Variants in RIT2 observed in about 807,000 individuals in gnomAD.
RIT2 encodes the protein GTP-binding protein Rit2.
In RIT2, 24 loss-of-function variants were observed where a neutral mutation model predicts 23.7. That is an observed-to-expected ratio of 1.01 (90% CI 0.73 to 1.43). The LOEUF (loss-of-function observed/expected upper bound fraction) is 1.43, where lower values mean the gene tolerates loss of function less well. Ranked by LOEUF, RIT2 falls within the 40% of genes most tolerant of loss-of-function variation. The pLI is 0.00. For synonymous variants in RIT2, 107 were observed against 91.1 expected (o/e 1.17, Z -0.99); for missense variants, 236 against 266.9 (o/e 0.88, Z 0.81).
chr18:42,892,720 TTTTC>T (rs373267919), intron 4 of RIT2, among the ~76,000 whole-genome samples: 2 of 152,360 alleles, frequency 1.3e-5, no homozygotes, highest in African/African-American at 4.8e-5. Flanking sequence ...GAGTATCTAT[TTTTC>T]TTTGAGATAA....
chr18:42,757,040 T>C (rs1598641736), intron 4 of RIT2, among the ~76,000 whole-genome samples: 1 of 152,138 alleles, frequency 6.6e-6, no homozygotes, highest in South Asian at 2.1e-4. Context: ...ACCTCAATGC[T>C]TTGCAAGTGA....
intron 4 of RIT2, among the ~76,000 whole-genome samples, chr18:42,802,500 T>C (rs1905567846): frequency 3.3e-5 from 5 of 152,204 alleles, no homozygotes; most frequent in Non-Finnish European, 2.9e-5. Flanking sequence ...TGAACTGATA[T>C]GGAAGACCAA....
chr18:43,025,367 T>C (rs1274074365), intron 2 of RIT2, among the ~76,000 whole-genome samples: 1 of 151,888 alleles, frequency 6.6e-6, no homozygotes, highest in African/African-American at 2.4e-5. Context: ...CAGAAAATGA[T>C]ATAGAGATTT....
chr18:42,818,615 G>A (rs528653268), intron 4 of RIT2, among the ~76,000 whole-genome samples: 49 of 152,166 alleles, frequency 3.2e-4, no homozygotes, highest in Middle Eastern at 3.4e-3. Context: ...TCACTTAGCT[G>A]AGTATATCAA....
At chr18:42,968,800 T>C (rs1173436540) in intron 3 of RIT2, among the ~76,000 whole-genome samples, 1 of 152,170 alleles carries the variant, frequency 6.6e-6, no homozygotes, top group Non-Finnish European at 1.5e-5. Context: ...ATTTAAGAAG[T>C]ATGTGAACAG....
intron 4 of RIT2, among the ~76,000 whole-genome samples, chr18:42,873,932 T>TG (rs1375065939): frequency 1.3e-5 from 2 of 152,128 alleles, no homozygotes; most frequent in Non-Finnish European, 2.9e-5. Context: ...ACTGTGGCCC[T>TG]GGGGGAACAC....
chr18:43,036,391 T>C (rs563128519), intron 1 of RIT2, among the ~76,000 whole-genome samples: 1 of 151,864 alleles, frequency 6.6e-6, no homozygotes, highest in Non-Finnish European at 1.5e-5. Context: ...AATACGGAAA[T>C]CAGCCGGGCG....
Position 42,743,604 on chromosome 18 carries a change from A to C in RIT2, c.543T>G (p.Ile181Met). The C allele has an allele frequency of 6.2e-7, 1 of 1,614,104 alleles. No individual in the cohort carries two copies. The highest frequency in any genetic ancestry group is 2.2e-5 in the East Asian group (1 of 44,854). Reference protein sequence around the residue: ...DDAFHGLVREIRKKESMPSLM... With the variant: ...DDAFHGLVREMRKKESMPSLM... ...AGGATGGCATGGACTCCTTCTTGCG[A>C]ATTTCCCTCACTAAGCCATGAAAAG... Residue 181 changes from isoleucine (I) to methionine (M), a missense_variant, in exon 5 of 5, where the codon ATT becomes ATG. Coordinates refer to ENST00000326695, the MANE Select transcript of RIT2 (RefSeq NM_002930.4).
chr18:42,794,778 T>C (rs1191714209), intron 4 of RIT2, among the ~76,000 whole-genome samples: 2 of 152,228 alleles, frequency 1.3e-5, no homozygotes, highest in Non-Finnish European at 2.9e-5. Flanking sequence ...ATTTATAGCA[T>C]GTTATTTATC....
intron 3 of RIT2, among the ~76,000 whole-genome samples, chr18:42,929,034 G>GATATATATATATATATATATATAT (rs770619793): frequency 0.01 from 983 of 96,566 alleles, 23 homozygotes; most frequent in East Asian, 0.02. Context: ...AAAATATGGA[G>GATATATATATATATATATATATAT]ATATATATAT....
At chr18:43,055,256 T>TA (rs1568068769) in intron 1 of RIT2, among the ~76,000 whole-genome samples, 1 of 152,134 alleles carries the variant, frequency 6.6e-6, no homozygotes, top group African/African-American at 2.4e-5. Flanking sequence ...AGAAAAGCTG[T>TA]GTAAGCAGCA....
chr18:43,033,621 C>T (rs543374294), intron 2 of RIT2, among the ~76,000 whole-genome samples, 190 bp downstream of exon 2: 1 of 152,196 alleles, frequency 6.6e-6, no homozygotes, highest in African/African-American at 2.4e-5. Context: ...GACTACCCGG[C>T]AAGAAGTAAG....
chr18:42,832,068 G>T (rs1015177679), intron 4 of RIT2, among the ~76,000 whole-genome samples: 1 of 152,128 alleles, frequency 6.6e-6, no homozygotes, highest in African/African-American at 2.4e-5. Context: ...TAGGTTAAAG[G>T]CACATTCACA....
chr18:42,786,669 C>T (rs1418039973), intron 4 of RIT2, among the ~76,000 whole-genome samples: 1 of 152,098 alleles, frequency 6.6e-6, no homozygotes, highest in Non-Finnish European at 1.5e-5. Flanking sequence ...ATATTTTTCA[C>T]CTATCTTTCA....
chr18:42,758,145 C>T (rs1429779566), intron 4 of RIT2, among the ~76,000 whole-genome samples: 4 of 151,814 alleles, frequency 2.6e-5, no homozygotes, highest in East Asian at 1.9e-4. Context: ...CATTTACGCT[C>T]TTATATCTGC....
intron 4 of RIT2, among the ~76,000 whole-genome samples, chr18:42,844,692 G>C (rs1906860426): frequency 6.6e-6 from 1 of 152,072 alleles, no homozygotes; most frequent in African/African-American, 2.4e-5. Context: ...TGTAGTTTTG[G>C]AAAAGGCAAC....
chr18:42,885,701 T>G (rs1471447273), intron 4 of RIT2, among the ~76,000 whole-genome samples: 1 of 152,206 alleles, frequency 6.6e-6, no homozygotes, highest in Non-Finnish European at 1.5e-5. Flanking sequence ...TAATATCTCA[T>G]TAGTTTTCAT....
At chr18:42,931,365 C>T (rs1013073750) in intron 3 of RIT2, among the ~76,000 whole-genome samples, 3 of 152,076 alleles carry the variant, frequency 2.0e-5, no homozygotes, top group Non-Finnish European at 4.4e-5. Flanking sequence ...AAAGCCAGGT[C>T]TAGTTTAACT....
intron 4 of RIT2, among the ~76,000 whole-genome samples, chr18:42,788,304 G>A (rs1465823639): frequency 1.1e-4 from 17 of 152,128 alleles, no homozygotes; most frequent in Admixed American, 5.2e-4. Context: ...AGAGGGAAAA[G>A]TATTTTAATA....
Sources: gnomAD v4.1 joint callset for allele counts (sites outside exome capture counted in the v4.1 genomes callset) on GRCh38, gnomAD v4.1.1 for gene constraint, MANE v1.5 for transcripts, NCBI Gene and HGNC (gene_info 2026-07-23, HGNC 2026-07-21) for gene names.